The following ELMOD2 variants were observed in gnomAD, a reference collection of about 807,000 sequenced individuals.
ELMOD2 encodes the protein ELMO domain containing 2, also known as ELMO domain-containing protein 2.
In ELMOD2, 28 loss-of-function variants were observed where a neutral mutation model predicts 41.0. The observed-to-expected ratio is 0.68, with a 90% CI of 0.51 to 0.94. The LOEUF (loss-of-function observed/expected upper bound fraction) is 0.94. Among genes scored for constraint, ELMOD2 ranks in the 40% least tolerant of loss-of-function variants. The pLI, the probability that ELMOD2 is intolerant of heterozygous loss-of-function variation, is 0.00. For synonymous variants in ELMOD2, 106 were observed against 107.2 expected (o/e 0.99, Z 0.07); for missense variants, 333 against 343.1 (o/e 0.97, Z 0.23).
At chr4:140,525,670 T>C (rs984616478) in intron 2 of ELMOD2, 100 bp downstream of exon 2, 63 of 1,294,714 alleles carry the variant, frequency 4.9e-5, no homozygotes, top group Non-Finnish European at 6.4e-5. Context: ...TCCTGACAAG[T>C]CACTTAAACT....
rs758651753 is a variant in ELMOD2 at position 140,537,548 on chromosome 4, T to A, written c.399+7T>A. ...TGAAGAGCTACTCATGAAGGTAAAT[T>A]TCTGTTTTCTTTATGTGGAGTTGTT... On this transcript the variant is annotated splice_region_variant and intron_variant, in intron 5 of 8. Coordinates refer to ENST00000323570, the MANE Select transcript of ELMOD2 (RefSeq NM_153702.4). 4 of 1,597,406 alleles carry A rather than the reference T, an allele frequency of 2.5e-6. No homozygotes were observed. The South Asian group carries it at 4.6e-5, about 18-fold the overall frequency.
rs1735450574 is a variant in ELMOD2, at chr4:140,550,830, G to C, written c.*455G>C. ...TTATTTCTAGGTTAATTAACAGCAA[G>C]TGTTTCTTTATGGTTTTCTTTGTTT... is the stretch of plus-strand genomic sequence containing the variant. On this transcript the variant is annotated 3_prime_UTR_variant, in exon 9 of 9. Transcript: ENST00000323570. The C allele has an allele frequency of 6.6e-6, 1 of 152,222 alleles. No individual in the cohort carries two copies. The highest frequency in any genetic ancestry group is 1.5e-5 in the Non-Finnish European group (1 of 68,230). 9.4% of individuals were successfully genotyped at this position (152,222 alleles called of 1,614,324 possible).
intron 8 of ELMOD2, among the ~76,000 whole-genome samples, chr4:140,546,247 A>G (rs1735275789): frequency 6.6e-6 from 1 of 152,150 alleles, no homozygotes; most frequent in Non-Finnish European, 1.5e-5. Context: ...CAGAAAACCA[A>G]ACATTGCATG....
intron 5 of ELMOD2, 27 bp downstream of exon 5, chr4:140,537,568 G>A (rs1047961619): frequency 3.1e-6 from 5 of 1,593,950 alleles, no homozygotes; most frequent in African/African-American, 1.4e-5. Flanking sequence ...TTTATGTGGA[G>A]TTGTTGAACG....
Position 140,535,852 on chromosome 4 carries a change from C to A in ELMOD2, c.269+22C>A, listed in dbSNP as rs753291365. On this transcript the variant is annotated intron_variant, in intron 4 of 8. Transcript: ENST00000323570. The stretch of plus-strand genomic sequence containing the variant: ...CCAGGTGTGCGTTTTTTACATTATT[C>A]TTTTTTATTATGCATTTATAGCCTG... 1.6e-5 allele frequency: 26 copies of A among 1,582,834 alleles called. No homozygotes were observed. The African/African-American group carries it at 2.6e-4, about 16-fold the overall frequency.
intron 8 of ELMOD2, among the ~76,000 whole-genome samples, chr4:140,545,022 C>A (rs1213600351): frequency 6.6e-6 from 1 of 152,130 alleles, no homozygotes; most frequent in African/African-American, 2.4e-5. Flanking sequence ...TCTCTTTGTT[C>A]ATGAAACTTT....
In ELMOD2 at chr4:140,553,170, A is replaced by G. The variant is rs1735512568; in HGVS notation, c.*2795A>G. 1 of 152,150 alleles carries G rather than the reference A, an allele frequency of 6.6e-6. No homozygotes were observed. Among genetic ancestry groups the G allele is most frequent in the Non-Finnish European group, 1.5e-5 (1 of 68,002 alleles). The allele number at this position is 152,150 out of a possible 1,614,324, so 9.4% of individuals were successfully genotyped here. A position where few individuals can be genotyped will look rare whatever the true frequency, so the allele number is the denominator to read the frequency against. ...AGAACATTCAGTGAAATACAACTTC[A>G]TCAAAGATTTGCTCAAAGGAGAAGA... On this transcript the variant is annotated 3_prime_UTR_variant, in exon 9 of 9. Transcript: ENST00000323570.
In ELMOD2 at chr4:140,539,422, C is replaced by T. The variant is rs577283747; in HGVS notation, c.400-746C>T. On this transcript the variant is annotated intron_variant, in intron 5 of 8. Transcript: ENST00000323570. ...TGTCGCCCAGGCTGGAGTGCAGTGGCGCCATCTCAGCTCACTGCAAGCTCC... is the reference window on the plus strand; with the variant it reads ...TGTCGCCCAGGCTGGAGTGCAGTGGTGCCATCTCAGCTCACTGCAAGCTCC... 9.3e-5 allele frequency among the ~76,000 whole-genome samples: 14 copies of T among 151,016 alleles called. No individual in the cohort carries two copies. In the East Asian group the frequency reaches 1.2e-3, roughly 13 times the overall value.
chr4:140,533,328 T>G (rs893721077), intron 3 of ELMOD2, among the ~76,000 whole-genome samples: 3 of 152,088 alleles, frequency 2.0e-5, no homozygotes, highest in African/African-American at 7.2e-5. Flanking sequence ...AAGATGAATA[T>G]AACAGATGAG....
At chr4:140,549,442 G>A (rs1359617548) in intron 8 of ELMOD2, among the ~76,000 whole-genome samples, 2 of 151,766 alleles carry the variant, frequency 1.3e-5, no homozygotes, top group African/African-American at 2.4e-5. Context: ...CTACCATAAT[G>A]AGGATATTGA....
chr4:140,525,472 G>C lies in ELMOD2; in HGVS notation c.44G>C (p.Arg15Pro). The C allele has an allele frequency of 6.2e-7, 1 of 1,613,068 alleles. No individual in the cohort carries two copies. The change falls in exon 2 of 9, where the codon CGA becomes CCA. Residue 15 changes from arginine (R) to proline (P), a missense_variant. Coordinates refer to ENST00000323570, the MANE Select transcript of ELMOD2 (RefSeq NM_153702.4). Reference sequence around the variant, plus strand: ...GAGTTCTTCTATGGGCACTTTTTTCGATTTTGGATGAAATGGCTATTACGA... The same window carrying C: ...GAGTTCTTCTATGGGCACTTTTTTCCATTTTGGATGAAATGGCTATTACGA... ...LWEFFYGHFF[R>P]FWMKWLLRQM...
At chr4:140,529,185 G>A (rs1422144944) in intron 3 of ELMOD2, among the ~76,000 whole-genome samples, 2 of 152,168 alleles carry the variant, frequency 1.3e-5, no homozygotes, top group Non-Finnish European at 2.9e-5. Context: ...TGCTGCAGCC[G>A]TTCCTGCTGG....
rs75414320 is a variant in ELMOD2 at position 140,551,885 on chromosome 4, C to A, written c.*1510C>A. ...ATAGCACATACATTTAAAGTGCTTG[C>A]GTTAAAATTAGTTTCTCAATAAGAT... On this transcript the variant is annotated 3_prime_UTR_variant, in exon 9 of 9. Coordinates refer to ENST00000323570, the MANE Select transcript of ELMOD2 (RefSeq NM_153702.4). The A allele has an allele frequency of 1.3e-5, 2 of 151,992 alleles. No individual in the cohort carries two copies. The highest frequency in any genetic ancestry group is 3.9e-4 in the East Asian group (2 of 5,184). The allele number at this position is 151,992 out of a possible 1,614,324, so 9.4% of individuals were successfully genotyped here. A position where few individuals can be genotyped will look rare whatever the true frequency, so the allele number is the denominator to read the frequency against.
intron 5 of ELMOD2, among the ~76,000 whole-genome samples, chr4:140,539,598 G>A (rs1735043019): frequency 6.6e-6 from 1 of 151,996 alleles, no homozygotes; most frequent in Non-Finnish European, 1.5e-5. Flanking sequence ...CACCTGCCTC[G>A]GCCTCCCAAA....
rs1735453643 is a variant in ELMOD2 at position 140,550,895 on chromosome 4, C to T, written c.*520C>T. On this transcript the variant is annotated 3_prime_UTR_variant, in exon 9 of 9. Transcript: ENST00000323570. ...TGTCATAACGTTGCTTCATTAGTAG[C>T]AAATAGAGCAGAGATACAGCAGAGA... 6.6e-6 allele frequency: 1 copy of T among 152,308 alleles called. No individual in the cohort carries two copies. The highest frequency in any genetic ancestry group is 2.4e-5 in the African/African-American group (1 of 41,402). The allele number at this position is 152,308 out of a possible 1,614,324, so 9.4% of individuals were successfully genotyped here.
At chr4:140,525,609 T>A (rs1466495807) in intron 2 of ELMOD2, 39 bp downstream of exon 2, 2 of 1,575,204 alleles carry the variant, frequency 1.3e-6, no homozygotes, top group African/African-American at 2.8e-5. Context: ...AATAAAAGTT[T>A]AACGGAGTGT....
chr4:140,550,194 T>C lies in ELMOD2; in HGVS notation c.737-36T>C, dbSNP rs963274508. On this transcript the variant is annotated intron_variant, in intron 8 of 8. Transcript: ENST00000323570. ...AGACGGTTTGAATGTGATTTCAACA[T>C]TGAGGATTAAATGTTTTGTTTTTCT... 3.2e-6 allele frequency: 5 copies of C among 1,563,714 alleles called. No homozygotes were observed. In the East Asian group the frequency reaches 1.1e-4, roughly 35 times the overall value.
intron 2 of ELMOD2, 146 bp from the exon 3 acceptor site, chr4:140,527,320 T>TA: frequency 1.4e-6 from 1 of 713,930 alleles, no homozygotes; most frequent in Non-Finnish European, 2.4e-6. Flanking sequence ...GATTAAATTT[T>TA]AAAATGCTTC....
In ELMOD2 at chr4:140,538,492, G is replaced by C. The variant is rs952156049; in HGVS notation, c.399+951G>C. Among the ~76,000 whole-genome samples, 5 of 152,116 alleles carry C rather than the reference G, an allele frequency of 3.3e-5. No homozygotes were observed. In the East Asian group the frequency reaches 9.6e-4, roughly 29 times the overall value. ...GATGATACAAATATGTATCTCAAAG[G>C]GTTATTGTATGGAGGAGTTTTTATA... is the stretch of plus-strand genomic sequence containing the variant. On this transcript the variant is annotated intron_variant, in intron 5 of 8. Coordinates refer to ENST00000323570, the MANE Select transcript of ELMOD2 (RefSeq NM_153702.4).
Sources: gnomAD v4.1 joint callset for allele counts (sites outside exome capture counted in the v4.1 genomes callset) on GRCh38, gnomAD v4.1.1 for gene constraint, MANE v1.5 for transcripts, NCBI Gene and HGNC (gene_info 2026-07-23, HGNC 2026-07-21) for gene names.